Variants in THSD7B observed in about 807,000 individuals in gnomAD.
THSD7B encodes thrombospondin type-1 domain-containing protein 7B.
THSD7B carries 138 observed loss-of-function variants against 213.6 expected under a neutral mutation model. That is an observed-to-expected ratio of 0.65 (90% CI 0.56 to 0.74). The LOEUF is 0.74. THSD7B is among the 30% of genes least tolerant of loss of function. THSD7B has a pLI of 0.00. For synonymous variants in THSD7B, 742 were observed against 687.0 expected, an observed-to-expected ratio of 1.08 and a Z score of -1.25; for missense variants, 1,931 against 1,991.5, an observed-to-expected ratio of 0.97 and a Z score of 0.58.
intron 15 of THSD7B, among the ~76,000 whole-genome samples, chr2:137,558,661 G>C (rs4528820): frequency 0.073 from 11,056 of 152,258 alleles, 445 homozygotes; most frequent in African/African-American, 0.086. Flanking sequence ...CACAAGACAG[G>C]GATGTCCTCT....
At chr2:137,232,103 C>A (rs1040462362) in intron 8 of THSD7B, among the ~76,000 whole-genome samples, 1 of 152,034 alleles carries the variant, frequency 6.6e-6, no homozygotes, top group African/African-American at 2.4e-5. Flanking sequence ...ATAACAAAAC[C>A]AAGGTCACAG....
intron 20 of THSD7B, among the ~76,000 whole-genome samples, chr2:137,638,513 GA>G (rs1682876962): frequency 6.6e-6 from 1 of 152,154 alleles, no homozygotes; most frequent in African/African-American, 2.4e-5. Context: ...TCAGCAGTGT[GA>G]AAACAGATTA....
chr2:137,172,485 T>C (rs555363369), intron 7 of THSD7B, among the ~76,000 whole-genome samples: 1 of 151,936 alleles, frequency 6.6e-6, no homozygotes, highest in East Asian at 1.9e-4. Context: ...AATGTGGCAG[T>C]GCTGAGAGGG....
At chr2:137,167,096 G>A (rs577557689) in intron 6 of THSD7B, among the ~76,000 whole-genome samples, 6 of 152,246 alleles carry the variant, frequency 3.9e-5, no homozygotes, top group South Asian at 4.1e-4. Flanking sequence ...GTTCAGGGCC[G>A]CCAGAGAGGA....
At chr2:137,515,191 C>T (rs557671807) in intron 15 of THSD7B, among the ~76,000 whole-genome samples, 1 of 152,170 alleles carries the variant, frequency 6.6e-6, no homozygotes, top group African/African-American at 2.4e-5. Flanking sequence ...GTGGGAGGAC[C>T]CTGATGAAGC....
intron 27 of THSD7B, among the ~76,000 whole-genome samples, chr2:137,669,018 T>G (rs1436692157): frequency 1.3e-5 from 2 of 152,188 alleles, no homozygotes; most frequent in Non-Finnish European, 2.9e-5. Flanking sequence ...CTGTAGATTT[T>G]AATGTTTTCA....
chr2:137,207,082 G>A (rs573463109), intron 7 of THSD7B, among the ~76,000 whole-genome samples: 34 of 152,062 alleles, frequency 2.2e-4, no homozygotes, highest in African/African-American at 8.2e-4. Context: ...AGGTAATTTA[G>A]GACTGTGTCT....
At chr2:137,645,389 C>T (rs989748481) in intron 21 of THSD7B, among the ~76,000 whole-genome samples, 1 of 152,240 alleles carries the variant, frequency 6.6e-6, no homozygotes. Flanking sequence ...GTGCCATTTA[C>T]AGTCTTTCTC....
chr2:137,018,576 T>C (rs1163206882), intron 2 of THSD7B, among the ~76,000 whole-genome samples: 1 of 152,206 alleles, frequency 6.6e-6, no homozygotes, highest in Non-Finnish European at 1.5e-5. Flanking sequence ...AATTCCATTG[T>C]ATACTTATAA....
chr2:137,025,107 G>A (rs538896041), intron 2 of THSD7B, among the ~76,000 whole-genome samples: 27 of 152,214 alleles, frequency 1.8e-4, no homozygotes, highest in African/African-American at 4.6e-4. Context: ...AGAGTTCCCC[G>A]TTAGAGTTAA....
chr2:137,391,774 C>T (rs548266501), intron 12 of THSD7B, among the ~76,000 whole-genome samples: 1 of 149,312 alleles, frequency 6.7e-6, no homozygotes, highest in African/African-American at 2.5e-5. Context: ...TATTTCTTTT[C>T]TTCTGTTAAC....
chr2:137,121,690 A>G lies in THSD7B; in HGVS notation c.1369+6397A>G, dbSNP rs912643044. Among the ~76,000 whole-genome samples the G allele has an allele frequency of 2.0e-5, 3 of 152,174 alleles. No homozygotes were observed. The South Asian group carries it at 6.2e-4, about 31-fold the overall frequency. ...AGTCTTTGTCACTCATTTGGCTGTA[A>G]AGGCCCTTAAAGGCCATGCTTGACA... is the stretch of plus-strand genomic sequence containing the variant. On this transcript the variant is annotated intron_variant, in intron 5 of 27. Transcript: ENST00000409968.
chr2:137,421,264 TCTAATA>T (rs1686919993), intron 14 of THSD7B, among the ~76,000 whole-genome samples: 1 of 152,078 alleles, frequency 6.6e-6, no homozygotes, highest in Non-Finnish European at 1.5e-5. Context: ...CCAATTCAAT[TCTAATA>T]CTGTCTATCT....
chr2:137,555,286 C>T (rs1368873412), intron 15 of THSD7B, among the ~76,000 whole-genome samples: 1 of 152,182 alleles, frequency 6.6e-6, no homozygotes, highest in African/African-American at 2.4e-5. Context: ...ATCTGGGAGG[C>T]ACCCCCTAGT....
chr2:137,626,901 G>C (rs1682642391), intron 20 of THSD7B, among the ~76,000 whole-genome samples: 1 of 152,172 alleles, frequency 6.6e-6, no homozygotes, highest in Admixed American at 6.5e-5. Flanking sequence ...TCACTCCTGA[G>C]TACCAATTTT....
intron 3 of THSD7B, among the ~76,000 whole-genome samples, chr2:137,078,919 T>C (rs1687686901): frequency 6.6e-6 from 1 of 152,208 alleles, no homozygotes. Context: ...TTTTGTTTGT[T>C]TTCATTTTTA....
At chr2:137,337,848 A>G (rs1186878136) in intron 12 of THSD7B, among the ~76,000 whole-genome samples, 5 of 152,022 alleles carry the variant, frequency 3.3e-5, no homozygotes, top group African/African-American at 9.7e-5. Context: ...ATCCATTACT[A>G]TCATTATGTT....
chr2:137,178,186 ATT>A (rs34568563), intron 7 of THSD7B, among the ~76,000 whole-genome samples: 7 of 144,702 alleles, frequency 4.8e-5, no homozygotes, highest in African/African-American at 1.0e-4. Flanking sequence ...CAGTGAGTAA[ATT>A]TTTTTTTTTT....
chr2:136,902,951 G>A (rs1377037048), intron 2 of THSD7B, among the ~76,000 whole-genome samples: 2 of 152,194 alleles, frequency 1.3e-5, no homozygotes, highest in African/African-American at 4.8e-5. Flanking sequence ...CCAGCATAGA[G>A]GCATTTTGAG....
Sources: gnomAD v4.1 joint callset for allele counts (sites outside exome capture counted in the v4.1 genomes callset) on GRCh38, gnomAD v4.1.1 for gene constraint, MANE v1.5 for transcripts, NCBI Gene and HGNC (gene_info 2026-07-23, HGNC 2026-07-21) for gene names.